Variants in ABR observed in about 807,000 individuals in gnomAD.
ABR encodes the protein active breakpoint cluster region-related protein.
ABR carries 35 observed loss-of-function variants against 107.2 expected under a neutral mutation model. That is an observed-to-expected ratio of 0.33 (90% CI 0.25 to 0.43). The LOEUF is 0.43. Ranked by LOEUF, ABR falls within the 20% of genes least tolerant of loss-of-function variation. The probability of loss-of-function intolerance (pLI) is 1.00; values close to 1 mark genes in which losing one functional copy is unlikely to be tolerated. For missense variants in ABR, 815 were observed against 1,115.2 expected, an observed-to-expected ratio of 0.73 and a Z score of 3.83; for synonymous variants, 498 against 462.0, an observed-to-expected ratio of 1.08 and a Z score of -1.00.
intron 16 of ABR, among the ~76,000 whole-genome samples, chr17:1,014,304 G>A (rs1310870667): frequency 2.2e-5 from 3 of 136,232 alleles, no homozygotes; most frequent in Non-Finnish European, 3.1e-5. Context: ...AGCCGGGCGT[G>A]GTGGCGGGCG....
intron 1 of ABR, among the ~76,000 whole-genome samples, chr17:1,142,073 T>G (rs548311452): frequency 6.6e-6 from 1 of 151,894 alleles, no homozygotes; most frequent in Admixed American, 6.6e-5. Flanking sequence ...ATGACTTGAA[T>G]CCTAAGATAA....
intron 1 of ABR, among the ~76,000 whole-genome samples, chr17:1,139,197 A>G (rs2151491245): frequency 6.6e-6 from 1 of 152,296 alleles, no homozygotes; most frequent in African/African-American, 2.4e-5. Flanking sequence ...GCGTTATCTT[A>G]TAACTCCTTA....
intron 1 of ABR, among the ~76,000 whole-genome samples, chr17:1,194,778 C>T (rs1598105346): frequency 8.1e-6 from 1 of 123,994 alleles, no homozygotes; most frequent in African/African-American, 2.8e-5. Context: ...CTCAGCCCCC[C>T]TAGTAGCTGG....
chr17:1,142,504 G>C (rs1177028136), intron 1 of ABR, among the ~76,000 whole-genome samples: 1 of 151,586 alleles, frequency 6.6e-6, no homozygotes, highest in African/African-American at 2.4e-5. Context: ...AGAATCGCTT[G>C]AACCCGGGAG....
intron 2 of ABR, among the ~76,000 whole-genome samples, chr17:1,102,460 G>A (rs959457651): frequency 4.7e-4 from 71 of 152,278 alleles, no homozygotes; most frequent in Admixed American, 3.9e-3. Context: ...AGGGGCTTCC[G>A]ATCTTTTGGC....
chr17:1,148,205 G>A lies in ABR; in HGVS notation c.62-22838C>T, dbSNP rs572411554. Among the ~76,000 whole-genome samples, 2 of 152,348 alleles carry A rather than the reference G, an allele frequency of 1.3e-5. No individual in the cohort carries two copies. Among genetic ancestry groups the A allele is most frequent in the Admixed American group, 6.5e-5 (1 of 15,296 alleles). ...AACAGAAACACCTCAAGTGTCTATGGGTGGATGAATGGATACACAAAACGC... is the reference window on the plus strand; with the variant it reads ...AACAGAAACACCTCAAGTGTCTATGAGTGGATGAATGGATACACAAAACGC... On this transcript the variant is annotated intron_variant, in intron 1 of 22. Coordinates refer to ENST00000302538, the MANE Select transcript of ABR (RefSeq NM_021962.5). This position sits in a 1 kb window ranked among gnomAD's most constrained non-coding sequence, Gnocchi z 4.9.
intron 1 of ABR, among the ~76,000 whole-genome samples, chr17:1,195,579 T>A (rs945956191): frequency 6.9e-6 from 1 of 145,176 alleles, no homozygotes; most frequent in Non-Finnish European, 1.5e-5. Context: ...CCGAGGCGGG[T>A]GGATCACGAG....
At chr17:1,168,767 G>A (rs1000757572) in intron 1 of ABR, among the ~76,000 whole-genome samples, 2 of 152,180 alleles carry the variant, frequency 1.3e-5, no homozygotes, top group Admixed American at 6.6e-5. Flanking sequence ...AAGGTCCTCC[G>A]GCTAGAAGCA....
At chr17:1,134,809 C>T (rs1345449310) in intron 1 of ABR, among the ~76,000 whole-genome samples, 1 of 152,224 alleles carries the variant, frequency 6.6e-6, no homozygotes, top group Non-Finnish European at 1.5e-5. Context: ...AGGTTCCAGC[C>T]CACGCTCTGG....
At chr17:1,219,035 CTGTTTGTTTGTT>C (rs562534709) in intron 1 of ABR, among the ~76,000 whole-genome samples, 1 of 145,300 alleles carries the variant, frequency 6.9e-6, no homozygotes, top group Non-Finnish European at 1.5e-5. Context: ...CCTTTTCTAT[CTGTTTGTTTGTT>C]TGTTTGTTTG....
chr17:1,156,438 C>T (rs528151333), intron 1 of ABR, among the ~76,000 whole-genome samples: 65 of 152,200 alleles, frequency 4.3e-4, no homozygotes, highest in Non-Finnish European at 8.1e-4. Context: ...AATGCCAGCA[C>T]TTCGGGAGGC....
At chr17:1,062,225 T>C in intron 10 of ABR, among the ~76,000 whole-genome samples, 1 of 151,820 alleles carries the variant, frequency 6.6e-6, no homozygotes, top group Non-Finnish European at 1.5e-5. Flanking sequence ...TGCATGTTCC[T>C]CTAGACGCTG....
At position 1,200,750 on chromosome 17, in the gene ABR, G is replaced by A. The variant is rs758397209; in HGVS notation, c.838+28043C>T. 6.6e-6 allele frequency among the ~76,000 whole-genome samples: 1 copy of A among 152,242 alleles called. No individual in the cohort carries two copies. The highest frequency in any genetic ancestry group is 1.5e-5 in the Non-Finnish European group (1 of 68,046). Reference sequence around the variant, plus strand: ...TCCCGGTTTGTTCATGGTGCAAGATGTCTCCGGTTACTTCGGGGAGACAGG... The same window carrying A: ...TCCCGGTTTGTTCATGGTGCAAGATATCTCCGGTTACTTCGGGGAGACAGG... On this transcript the variant is annotated intron_variant, in intron 1 of 22. Transcript: ENST00000574139. The surrounding 1 kb of genome is among the most constrained non-coding windows in gnomAD (Gnocchi z 4.1).
At chr17:1,052,148 G>A (rs907780366) in intron 14 of ABR, among the ~76,000 whole-genome samples, 4 of 152,106 alleles carry the variant, frequency 2.6e-5, no homozygotes, top group Non-Finnish European at 5.9e-5. Flanking sequence ...TCCAGCTGGA[G>A]CAACAGAAAG....
At chr17:1,173,198 GCAACACATCACCTCAGTCCACT>G (rs2041799521) in intron 1 of ABR, among the ~76,000 whole-genome samples, 1 of 23,232 alleles carries the variant, frequency 4.3e-5, no homozygotes, top group Admixed American at 7.1e-4. Flanking sequence ...CTCAGTCAAC[GCAACACATCACCTCAGTCCACT>G]CAACACATCA....
chr17:1,137,613 G>C (rs1453284809), intron 1 of ABR, among the ~76,000 whole-genome samples: 5 of 152,152 alleles, frequency 3.3e-5, no homozygotes, highest in African/African-American at 1.2e-4. Context: ...CACTGTAACA[G>C]GTGTCATAAC....
intron 1 of ABR, among the ~76,000 whole-genome samples, chr17:1,164,759 C>A (rs969559762): frequency 6.6e-6 from 1 of 152,006 alleles, no homozygotes; most frequent in Non-Finnish European, 1.5e-5. Flanking sequence ...CTCGACTTCC[C>A]CAGCTCAAGC....
chr17:1,012,371 G>C (rs1322994116), intron 18 of ABR: 1 of 655,000 alleles, frequency 1.5e-6, no homozygotes, highest in Non-Finnish European at 2.8e-6. Context: ...CTTTCCCGAG[G>C]GGCCGCCAGT....
Position 1,012,774 on chromosome 17 carries a change from T to C in ABR, c.1875A>G (p.Lys625=), listed in dbSNP as rs1293514413. The C allele has an allele frequency of 1.3e-6, 2 of 1,591,456 alleles. No homozygotes were observed. The highest frequency in any genetic ancestry group is 1.7e-6 in the Non-Finnish European group (2 of 1,168,214). ...MNGIKVEFSM[K]FTSRDMSLKR... is the part of the protein sequence containing the mutation. ...TCAGGCTCATATCTCGGCTGGTGAA[T>C]TTCATGGAAAATTCCACTTTGATCT... The change falls in exon 18 of 23, where the codon AAA becomes AAG. Residue 625 remains lysine (K), a synonymous_variant. Coordinates refer to ENST00000302538, the MANE Select transcript of ABR (RefSeq NM_021962.5).
Sources: allele counts gnomAD v4.1 joint callset (sites outside exome capture counted in the v4.1 genomes callset), GRCh38; gene constraint gnomAD v4.1.1; non-coding constraint Gnocchi (gnomAD v3.1); transcripts MANE v1.5; gene names NCBI Gene and HGNC (gene_info 2026-07-23, HGNC 2026-07-21).